The following DENND2B variants were observed in gnomAD, a reference collection of about 807,000 sequenced individuals.
DENND2B encodes the protein DENN domain containing 2B, also known as DENN domain-containing protein 2B.
A neutral mutation model predicts 116.0 loss-of-function variants in DENND2B; 32 were observed. That is an observed-to-expected ratio of 0.28 (90% CI 0.21 to 0.37). The LOEUF (loss-of-function observed/expected upper bound fraction) is 0.37, where lower values mean the gene tolerates loss of function less well. Among genes scored for constraint, DENND2B ranks in the 10% least tolerant of loss-of-function variants. The pLI is 1.00. For missense variants in DENND2B, 1,276 were observed against 1,477.7 expected, an observed-to-expected ratio of 0.86 and a Z score of 2.24; for synonymous variants, 588 against 583.9, an observed-to-expected ratio of 1.01 and a Z score of -0.10.
chr11:8,859,091 C>T (rs1446343496), intron 2 of DENND2B, among the ~76,000 whole-genome samples: 2 of 152,160 alleles, frequency 1.3e-5, no homozygotes, highest in Non-Finnish European at 2.9e-5. Context: ...TTGCCATAAG[C>T]CTGCACGTCC....
chr11:8,829,779 G>T lies in DENND2B; in HGVS notation c.-115+9531C>A, dbSNP rs1244127577. Among the ~76,000 whole-genome samples, 3 of 152,168 alleles carry T rather than the reference G, an allele frequency of 2.0e-5. No individual in the cohort carries two copies. In the South Asian group the frequency reaches 6.2e-4, roughly 32 times the overall value. On this transcript the variant is annotated intron_variant, in intron 4 of 6. Coordinates refer to the DENND2B transcript ENST00000524757. Reference sequence around the variant, plus strand: ...ATAGCTGTGTGTGCTGGGAACAGTCGCTTCCCCTTTCGTCCCCAATCTCCC... The same window carrying T: ...ATAGCTGTGTGTGCTGGGAACAGTCTCTTCCCCTTTCGTCCCCAATCTCCC...
intron 4 of DENND2B, among the ~76,000 whole-genome samples, chr11:8,826,228 C>T (rs1263763649): frequency 6.6e-6 from 1 of 152,176 alleles, no homozygotes; most frequent in Non-Finnish European, 1.5e-5. Context: ...ACATCAAAAC[C>T]TCCCAGCTGG....
rs766376033 is a variant in DENND2B, at chr11:8,706,784, G to A, written c.2571+301C>T. Among the ~76,000 whole-genome samples the A allele has an allele frequency of 3.2e-4, 49 of 152,160 alleles. 1 individual carries two copies. Among genetic ancestry groups the A allele is most frequent in the African/African-American group, 1.0e-3 (43 of 41,434 alleles). On this transcript the variant is annotated intron_variant, in intron 13 of 19. Transcript: ENST00000313726. ...CTCTGACTCTGCTCTGAGGTCTGGC[G>A]CAATCCCTGATTGTGAGATGGCACA...
chr11:8,718,674 G>C (rs2045563193), intron 4 of DENND2B: 4 of 1,231,466 alleles, frequency 3.2e-6, no homozygotes, highest in Non-Finnish European at 4.1e-6. Flanking sequence ...AAGGAGTCTG[G>C]GCCAAAGGGT....
At chr11:8,755,351 G>A (rs921484495) in intron 1 of DENND2B, among the ~76,000 whole-genome samples, 1 of 152,330 alleles carries the variant, frequency 6.6e-6, no homozygotes, top group East Asian at 1.9e-4. Context: ...TGGTTTTGAT[G>A]ATAAAAATAA....
chr11:8,854,555 T>C (rs1475683622), intron 3 of DENND2B, among the ~76,000 whole-genome samples: 5 of 152,146 alleles, frequency 3.3e-5, no homozygotes, highest in Admixed American at 3.3e-4. Flanking sequence ...TCTGTAGTTT[T>C]CTATTAAAGG....
chr11:8,766,764 C>T (rs1182605547), intron 1 of DENND2B: 2 of 1,120,042 alleles, frequency 1.8e-6, no homozygotes, highest in Admixed American at 4.7e-5. Flanking sequence ...TGTCACAGGA[C>T]TCAACTTTTG....
intron 5 of DENND2B, among the ~76,000 whole-genome samples, chr11:8,716,377 C>T (rs780036780): frequency 1.4e-4 from 21 of 152,204 alleles, no homozygotes; most frequent in Non-Finnish European, 2.9e-4. Flanking sequence ...CCACAAGGCC[C>T]TGGCTGCCCT....
At chr11:8,845,082 T>A (rs998976107) in intron 3 of DENND2B, among the ~76,000 whole-genome samples, 1 of 152,170 alleles carries the variant, frequency 6.6e-6, no homozygotes, top group Non-Finnish European at 1.5e-5. Flanking sequence ...TTCTTCTGGA[T>A]TGGGTTTTCA....
At chr11:8,762,095 A>G (rs778022735) in intron 1 of DENND2B, among the ~76,000 whole-genome samples, 10 of 152,186 alleles carry the variant, frequency 6.6e-5, no homozygotes, top group Non-Finnish European at 1.0e-4. Flanking sequence ...ACTCCCCACC[A>G]GCATCATGGC....
intron 2 of DENND2B, among the ~76,000 whole-genome samples, chr11:8,747,249 G>T (rs1392518744): frequency 6.6e-6 from 1 of 151,514 alleles, no homozygotes; most frequent in Non-Finnish European, 1.5e-5. Context: ...CAGATTTTCA[G>T]CACCCACCAC....
chr11:8,762,325 G>T (rs2054811135), intron 1 of DENND2B, among the ~76,000 whole-genome samples: 1 of 152,054 alleles, frequency 6.6e-6, no homozygotes, highest in South Asian at 2.1e-4. Context: ...CTACCCCAGG[G>T]CCTTCACACC....
chr11:8,905,010 T>C (rs1589893171), intron 1 of DENND2B, among the ~76,000 whole-genome samples: 2 of 152,126 alleles, frequency 1.3e-5, no homozygotes, highest in East Asian at 3.8e-4. Context: ...ATAATCTCTA[T>C]CAAAACATCA....
chr11:8,814,574 T>C (rs1415906965), upstream of DENND2B, among the ~76,000 whole-genome samples: 2 of 152,192 alleles, frequency 1.3e-5, no homozygotes, highest in Non-Finnish European at 2.9e-5. Flanking sequence ...ACCTTGACTC[T>C]CCTGTCTCTT....
In DENND2B at chr11:8,860,606, T is replaced by C. The variant is rs1227694567; in HGVS notation, c.-249-3170A>G. Among the ~76,000 whole-genome samples the C allele has an allele frequency of 3.3e-5, 5 of 152,084 alleles. 1 individual carries two copies. On this transcript the variant is annotated intron_variant, in intron 2 of 6. Transcript: ENST00000524757. ...AATCAAAGAATCAATATCATGAAAA[T>C]GAGCATACTACCCAAAGCAATCTAC...
At chr11:8,737,079 T>C (rs1359545586) in intron 2 of DENND2B, among the ~76,000 whole-genome samples, 1 of 152,160 alleles carries the variant, frequency 6.6e-6, no homozygotes, top group African/African-American at 2.4e-5. Flanking sequence ...ATGGGTTAGA[T>C]GAGCAGTGAG....
chr11:8,768,394 A>G (rs2056270646), intron 1 of DENND2B, among the ~76,000 whole-genome samples: 1 of 152,112 alleles, frequency 6.6e-6, no homozygotes, highest in Non-Finnish European at 1.5e-5. Context: ...CTACAGGTGC[A>G]TGTAACCATA....
chr11:8,840,650 A>G lies in DENND2B; in HGVS notation c.-155-1300T>C, dbSNP rs76587829. 7.9e-3 allele frequency among the ~76,000 whole-genome samples: 1,201 copies of G among 152,230 alleles called. 7 individuals are homozygous for G. Among genetic ancestry groups the G allele is most frequent in the Middle Eastern group, 0.017 (5 of 294 alleles). On this transcript the variant is annotated intron_variant, in intron 3 of 6. Transcript: ENST00000524757. ...AGTCCCGGCCAAGATGAAAGTTTTT[A>G]CCATCCACAGCATCCCTCTCAAGTA...
chr11:8,715,232 G>T (rs1277515570), intron 6 of DENND2B, among the ~76,000 whole-genome samples: 1 of 152,190 alleles, frequency 6.6e-6, no homozygotes, highest in Non-Finnish European at 1.5e-5. Context: ...GAAAATCATT[G>T]CTGAAAATTC....
Sources: gnomAD v4.1 joint callset for allele counts (sites outside exome capture counted in the v4.1 genomes callset) on GRCh38, gnomAD v4.1.1 for gene constraint, MANE v1.5 for transcripts, NCBI Gene and HGNC (gene_info 2026-07-23, HGNC 2026-07-21) for gene names.